SEMA7A: variants seen among roughly 807,000 people sequenced by gnomAD.
SEMA7A encodes semaphorin 7A (JohnMiltonHagen blood group).
A neutral mutation model predicts 67.5 loss-of-function variants in SEMA7A; 21 were observed. The ratio of observed to expected loss-of-function variants is 0.31; its 90% CI spans 0.22 to 0.45. The LOEUF is 0.45. Ranked by LOEUF, SEMA7A falls within the 20% of genes least tolerant of loss-of-function variation. The pLI is 1.00. For missense variants in SEMA7A, 774 were observed against 908.6 expected (o/e 0.85, Z 1.90); for synonymous variants, 364 against 368.5 (o/e 0.99, Z 0.14).
rs2060950551 is a variant in SEMA7A, at chr15:74,416,610, G to A, written c.766C>T (p.Pro256Ser). ...TGGGCCACACGGGACACATTGAGAG[G>A]AGCCTCAGGATTCTTGTCAGGATTG... ...EDNPDKNPEA[P>S]LNVSRVAQLC... The change falls in exon 7 of 14, where the codon CCT becomes TCT. Residue 256 changes from proline (P) to serine (S), a missense_variant. Physicochemically the swap from Pro to Ser is moderately conservative, Grantham distance 74 (BLOSUM62 -1). Around this residue, in one of 2 missense-constraint regions of SEMA7A, gnomAD observed 427 missense variants for 555.4 expected, o/e 0.77. Transcript: ENST00000261918. 6.2e-7 allele frequency: 1 copy of A among 1,614,100 alleles called. No individual in the cohort carries two copies. The highest frequency in any genetic ancestry group is 8.5e-7 in the Non-Finnish European group (1 of 1,179,984).
chr15:74,412,794 A>G (rs902570380), intron 10 of SEMA7A, among the ~76,000 whole-genome samples: 2 of 152,228 alleles, frequency 1.3e-5, no homozygotes, highest in African/African-American at 4.8e-5. Flanking sequence ...GATCCAATTC[A>G]GGACTCCACG....
Position 74,433,869 on chromosome 15 carries a change from C to T in SEMA7A, c.50G>A (p.Arg17His). Reference protein sequence around the residue: ...GRAAPSAPRARVPGPPARLGL... With the variant: ...GRAAPSAPRAHVPGPPARLGL... ...CAACCGAGCCGGCGGGCCAGGGACG[C>T]GGGCGCGCGGTGCGCTGGGGGCGGC... Residue 17 changes from arginine (R) to histidine (H), a missense_variant, in exon 1 of 14, where the codon CGC (arginine) becomes CAC (histidine). By Grantham distance (29) the Arg-to-His change is conservative. Coordinates refer to ENST00000261918, the MANE Select transcript of SEMA7A (RefSeq NM_003612.5). 7.8e-7 allele frequency: 1 copy of T among 1,279,722 alleles called. No homozygotes were observed. 79.3% of individuals were successfully genotyped at this position (1,279,722 alleles called of 1,614,324 possible).
chr15:74,430,937 G>A (rs1043967902), intron 1 of SEMA7A, among the ~76,000 whole-genome samples: 2 of 152,206 alleles, frequency 1.3e-5, no homozygotes, highest in Non-Finnish European at 2.9e-5. Context: ...AAGCGAGGGA[G>A]GGCAGAACCA....
At chr15:74,418,173 G>C in intron 3 of SEMA7A, 95 bp downstream of exon 3, 1 of 1,328,258 alleles carries the variant, frequency 7.5e-7, no homozygotes, top group Non-Finnish European at 1.1e-6. Flanking sequence ...TCTGGGACTC[G>C]TGGGGCAGGG....
rs1280235907 is a variant in SEMA7A at position 74,410,511 on chromosome 15, G to A, written c.*113C>T. 2.8e-6 allele frequency: 4 copies of A among 1,440,956 alleles called. No individual in the cohort carries two copies. The highest frequency in any genetic ancestry group is 2.7e-5 in the South Asian group (2 of 73,206). 89.3% of individuals were successfully genotyped at this position (1,440,956 alleles called of 1,614,324 possible). A position where few individuals can be genotyped will look rare whatever the true frequency, so the allele number is the denominator to read the frequency against. On this transcript the variant is annotated 3_prime_UTR_variant, in exon 14 of 14. Transcript: ENST00000261918. The surrounding 1 kb of genome is among the most constrained non-coding windows in gnomAD (Gnocchi z 7.5). ...CTGGCATCCTCCACTGGGTTATTCT[G>A]TCCCCTGGAAGAAGTGGCAGGCAAG... is the stretch of plus-strand genomic sequence containing the variant.
intron 1 of SEMA7A, among the ~76,000 whole-genome samples, chr15:74,422,757 A>G (rs2141284810): frequency 6.6e-6 from 1 of 152,356 alleles, no homozygotes; most frequent in South Asian, 2.1e-4. Context: ...CCACCCCAGC[A>G]GCTGACCGAC....
Position 74,414,645 on chromosome 15 carries a change from G to T in SEMA7A, c.1196C>A (p.Thr399Lys). The T allele has an allele frequency of 3.1e-6, 5 of 1,614,150 alleles. No individual in the cohort carries two copies. Among genetic ancestry groups the T allele is most frequent in the Non-Finnish European group, 4.2e-6 (5 of 1,180,024 alleles). ...QRVEPMGPLK[T>K]PLFHSKYHYQ... The stretch of plus-strand genomic sequence containing the variant: ...GTGGTATTTAGAGTGGAACAATGGC[G>T]TCTTCAGAGGCCCCATGGGCTCCAC... Residue 399 changes from threonine (T) to lysine (K), a missense_variant, in exon 10 of 14, where the codon ACG becomes AAG. Coordinates refer to ENST00000261918, the MANE Select transcript of SEMA7A (RefSeq NM_003612.5). The surrounding 1 kb of genome is among the most constrained non-coding windows in gnomAD (Gnocchi z 4.1).
intron 2 of SEMA7A, 28 bp downstream of exon 2, chr15:74,418,773 G>C (rs746260818): frequency 8.7e-6 from 14 of 1,609,358 alleles, no homozygotes; most frequent in African/African-American, 2.7e-5. Context: ...GAGGGTAGGG[G>C]GGGTGTTGGG....
rs764127704 is a variant in SEMA7A at position 74,416,689 on chromosome 15, G to A, written c.687C>T (p.Ile229=). The change falls in exon 7 of 14, where the codon ATC becomes ATT. Residue 229 remains isoleucine, a synonymous_variant. Transcript: ENST00000261918. ...CATCGTAAGCCTGGTCTTGGTGCAC[G>A]ATGGTGGCTTTGATGAACTGTGGGT... The part of the protein sequence containing the change: ...MQNPQFIKAT[I]VHQDQAYDDK... 1.1e-5 allele frequency: 18 copies of A among 1,614,012 alleles called. No homozygotes were observed. The highest frequency in any genetic ancestry group is 1.1e-4 in the South Asian group (10 of 91,086).
At chr15:74,428,248 A>C (rs930286297) in intron 1 of SEMA7A, among the ~76,000 whole-genome samples, 2 of 152,214 alleles carry the variant, frequency 1.3e-5, no homozygotes, top group Non-Finnish European at 1.5e-5. Flanking sequence ...GTCTGGGCCC[A>C]ACTGGGCTAG....
At chr15:74,420,207 G>T (rs1335838647) in intron 1 of SEMA7A, among the ~76,000 whole-genome samples, 1 of 152,190 alleles carries the variant, frequency 6.6e-6, no homozygotes, top group Admixed American at 6.5e-5. Context: ...CAGGGGCAAG[G>T]AGCAGCTGGA....
chr15:74,420,035 G>T (rs2060986507), intron 1 of SEMA7A, among the ~76,000 whole-genome samples: 2 of 152,276 alleles, frequency 1.3e-5, no homozygotes, highest in Admixed American at 1.3e-4. Context: ...CCTAGGAACT[G>T]GGTCTGACCA....
At chr15:74,432,174 T>G (rs550811384) in intron 1 of SEMA7A, among the ~76,000 whole-genome samples, 2 of 152,046 alleles carry the variant, frequency 1.3e-5, no homozygotes, top group East Asian at 3.9e-4. Context: ...AGGGAAAGAT[T>G]CCAGAACACT....
At chr15:74,427,255 C>A (rs1172208119) in intron 1 of SEMA7A, 5 of 985,442 alleles carry the variant, frequency 5.1e-6, no homozygotes, top group Non-Finnish European at 3.6e-6. Context: ...GAGGACCAGG[C>A]TTCCTCTTGC....
chr15:74,418,112 T>G, intron 3 of SEMA7A, 143 bp from the exon 4 acceptor site: 1 of 1,150,374 alleles, frequency 8.7e-7, no homozygotes, highest in Non-Finnish European at 1.3e-6. Flanking sequence ...GCCCAGAGTG[T>G]GTGCAGCTGA....
At position 74,410,663 on chromosome 15, in the gene SEMA7A, C is replaced by A; in HGVS notation, c.1962G>T (p.Gly654=). The part of the protein sequence containing the change: ...ACALAASLWL[G]VLPTLTLGLL... ...AGCCAAGAGTGAGTGTGGGCAGCAC[C>A]CCCAGCCAGAGGGAGGCGGCCAGGG... Residue 654 remains glycine, a synonymous_variant, in exon 14 of 14, where the codon GGG becomes GGT. Coordinates refer to ENST00000261918, the MANE Select transcript of SEMA7A (RefSeq NM_003612.5). This position sits in a 1 kb window ranked among gnomAD's most constrained non-coding sequence, Gnocchi z 7.5. The A allele has an allele frequency of 6.2e-7, 1 of 1,606,914 alleles. No homozygotes were observed. Among genetic ancestry groups the A allele is most frequent in the Non-Finnish European group, 8.5e-7 (1 of 1,175,364 alleles).
chr15:74,430,423 C>T (rs1174332424), intron 1 of SEMA7A, among the ~76,000 whole-genome samples: 1 of 152,162 alleles, frequency 6.6e-6, no homozygotes, highest in Non-Finnish European at 1.5e-5. Flanking sequence ...CCTCTTTGGG[C>T]ATTTGGGGAA....
chr15:74,431,732 G>C (rs770154781), intron 1 of SEMA7A, among the ~76,000 whole-genome samples: 6 of 152,240 alleles, frequency 3.9e-5, no homozygotes, highest in Non-Finnish European at 5.9e-5. Flanking sequence ...GCTGTCAGTC[G>C]GGCACACCAT....
At chr15:74,418,016 G>A (rs202218725) in intron 3 of SEMA7A, 47 bp from the exon 4 acceptor site, 8 of 1,586,130 alleles carry the variant, frequency 5.0e-6, no homozygotes, top group South Asian at 4.4e-5. Flanking sequence ...TTGCTGGAAG[G>A]CCCTGGCAAG....
Sources: gnomAD v4.1 joint callset for allele counts (sites outside exome capture counted in the v4.1 genomes callset) on GRCh38, gnomAD v4.1.1 for gene constraint, gnomAD v4.1.1 regional missense constraint, Gnocchi (gnomAD v3.1) non-coding constraint, MANE v1.5 for transcripts, NCBI Gene and HGNC (gene_info 2026-07-23, HGNC 2026-07-21) for gene names.